The following SKAP2 variants were observed in gnomAD, a reference collection of about 807,000 sequenced individuals.
The protein encoded by SKAP2 is src kinase-associated phosphoprotein 2.
In SKAP2, 28 loss-of-function variants were observed where a neutral mutation model predicts 54.9. The ratio of observed to expected loss-of-function variants is 0.51; its 90% CI spans 0.38 to 0.70. The LOEUF (loss-of-function observed/expected upper bound fraction) is 0.70. Among genes scored for constraint, SKAP2 ranks in the 30% least tolerant of loss-of-function variants. The probability of loss-of-function intolerance (pLI) is 0.00; values close to 1 mark genes in which losing one functional copy is unlikely to be tolerated. For synonymous variants in SKAP2, 137 were observed against 134.3 expected (o/e 1.02, Z -0.14); for missense variants, 356 against 424.1 (o/e 0.84, Z 1.41).
At chr7:26,837,965 T>C (rs1266916526) in intron 4 of SKAP2, among the ~76,000 whole-genome samples, 2 of 152,238 alleles carry the variant, frequency 1.3e-5, no homozygotes, top group Non-Finnish European at 2.9e-5. Context: ...TCTGCCACTA[T>C]GTAGCTATAT....
At chr7:26,776,273 C>A (rs1783305733) in intron 4 of SKAP2, among the ~76,000 whole-genome samples, 1 of 152,142 alleles carries the variant, frequency 6.6e-6, no homozygotes, top group South Asian at 2.1e-4. Flanking sequence ...AAATTCTACA[C>A]ACCCTCCCAG....
chr7:26,662,630 A>G (rs758400613), downstream of SKAP2, among the ~76,000 whole-genome samples: 7 of 149,996 alleles, frequency 4.7e-5, no homozygotes, highest in Non-Finnish European at 8.8e-5. Context: ...TCATTTAATT[A>G]GATAGGAAGA....
intron 3 of SKAP2, among the ~76,000 whole-genome samples, chr7:26,847,301 C>G (rs971755401): frequency 7.9e-5 from 12 of 152,026 alleles, no homozygotes; most frequent in African/African-American, 2.9e-4. Context: ...AGATGGTCTT[C>G]TTCATCTTAC....
At chr7:26,850,548 T>A (rs1265882515) in intron 3 of SKAP2, among the ~76,000 whole-genome samples, 1 of 143,468 alleles carries the variant, frequency 7.0e-6, no homozygotes, top group Non-Finnish European at 1.5e-5. Context: ...ATCACACCAC[T>A]CCACTCCAGC....
In SKAP2 at chr7:26,844,048, C is replaced by T. The variant is rs1784871833; in HGVS notation, c.289G>A (p.Asp97Asn). The T allele has an allele frequency of 1.2e-6, 2 of 1,608,146 alleles. No homozygotes were observed. Among genetic ancestry groups the T allele is most frequent in the Non-Finnish European group, 1.7e-6 (2 of 1,175,382 alleles). Residue 97 changes from aspartate (D) to asparagine (N), a missense_variant, in exon 4 of 13, where the codon GAT (aspartate) becomes AAT (asparagine). By Grantham distance (23) the Asp-to-Asn change is conservative. Transcript: ENST00000345317. ...SLASERYDKD[D>N]EAPSDGAQFP... ...CACATACCATCAGAGGGGGCTTCATCGTCTTTATCATATCGTTCTGAGGCT... is the reference window on the plus strand; with the variant it reads ...CACATACCATCAGAGGGGGCTTCATTGTCTTTATCATATCGTTCTGAGGCT...
intron 5 of SKAP2, 150 bp from the exon 6 acceptor site, chr7:26,739,028 A>G: frequency 1.6e-6 from 1 of 630,814 alleles, no homozygotes; most frequent in Non-Finnish European, 2.8e-6. Flanking sequence ...ACAACAACAA[A>G]CCAACACAGC....
intron 4 of SKAP2, among the ~76,000 whole-genome samples, chr7:26,820,686 A>G (rs1784368668): frequency 6.6e-6 from 1 of 152,084 alleles, no homozygotes. Flanking sequence ...TGCCATATTT[A>G]TTAGCAAAAA....
intron 4 of SKAP2, among the ~76,000 whole-genome samples, chr7:26,793,346 T>C (rs1315631036): frequency 6.6e-6 from 1 of 152,124 alleles, no homozygotes; most frequent in Non-Finnish European, 1.5e-5. Context: ...AAATTGAAAA[T>C]CTTAACTGAA....
chr7:26,777,899 T>C (rs1272788840), intron 4 of SKAP2, among the ~76,000 whole-genome samples: 1 of 151,476 alleles, frequency 6.6e-6, no homozygotes, highest in East Asian at 1.9e-4. Context: ...ACATACTCAT[T>C]TTTTTTTAAC....
chr7:26,779,980 C>A (rs900632178), intron 4 of SKAP2, among the ~76,000 whole-genome samples: 1 of 151,982 alleles, frequency 6.6e-6, no homozygotes, highest in Non-Finnish European at 1.5e-5. Flanking sequence ...CAATTAGGGT[C>A]AACCAAAGGA....
At chr7:26,844,482 C>G (rs888223212) in intron 3 of SKAP2, among the ~76,000 whole-genome samples, 2 of 147,218 alleles carry the variant, frequency 1.4e-5, no homozygotes, top group African/African-American at 5.0e-5. Flanking sequence ...CGAACAAAAC[C>G]AAGATAACAG....
intron 4 of SKAP2, among the ~76,000 whole-genome samples, chr7:26,791,367 G>T (rs1317662076): frequency 1.3e-5 from 2 of 151,928 alleles, no homozygotes; most frequent in African/African-American, 4.8e-5. Flanking sequence ...TTAAGACAGG[G>T]TTCTCACTTT....
chr7:26,655,214 C>A, the SKAP2 span, among the ~76,000 whole-genome samples: 1 of 152,172 alleles, frequency 6.6e-6, no homozygotes, highest in African/African-American at 2.4e-5. Flanking sequence ...CCAGAGACAA[C>A]TTTAACACCT....
intron 6 of SKAP2, among the ~76,000 whole-genome samples, chr7:26,736,326 C>T (rs1733093783): frequency 6.6e-6 from 1 of 152,172 alleles, no homozygotes; most frequent in Non-Finnish European, 1.5e-5. Context: ...CCTCACTGCT[C>T]ATTATATGCT....
intron 4 of SKAP2, among the ~76,000 whole-genome samples, chr7:26,788,343 C>T (rs1471288264): frequency 1.3e-5 from 2 of 151,730 alleles, no homozygotes; most frequent in Non-Finnish European, 2.9e-5. Context: ...ACCTTTCTAT[C>T]CCTTCATCTT....
intron 4 of SKAP2, among the ~76,000 whole-genome samples, chr7:26,806,566 T>C (rs943124823): frequency 1.3e-5 from 2 of 152,166 alleles, no homozygotes; most frequent in South Asian, 2.1e-4. Context: ...GAAATTCATG[T>C]TGAAAGCCAA....
At chr7:26,838,246 T>A (rs1405222093) in intron 4 of SKAP2, among the ~76,000 whole-genome samples, 1 of 152,094 alleles carries the variant, frequency 6.6e-6, no homozygotes, top group Non-Finnish European at 1.5e-5. Context: ...ATTCCTTAAT[T>A]TGGCATTCAG....
At chr7:26,770,613 C>T (rs1783169567) in intron 4 of SKAP2, among the ~76,000 whole-genome samples, 1 of 152,182 alleles carries the variant, frequency 6.6e-6, no homozygotes, top group Non-Finnish European at 1.5e-5. Context: ...TCCTGGTCTG[C>T]AGGTTGCAAA....
Position 26,864,102 on chromosome 7 carries a change from T to C in SKAP2, c.67+261A>G, listed in dbSNP as rs1457393086. 4.3e-5 allele frequency among the ~76,000 whole-genome samples: 6 copies of C among 139,516 alleles called. No individual in the cohort carries two copies. The South Asian group carries it at 7.2e-4, about 17-fold the overall frequency. 91.5% of individuals were successfully genotyped at this position (139,516 alleles called of 152,430 possible). ...ACACACACCGTCTTCACAATGCACATAGAAACGTCCTGATCCCATTTGTGT... is the reference window on the plus strand; with the variant it reads ...ACACACACCGTCTTCACAATGCACACAGAAACGTCCTGATCCCATTTGTGT... On this transcript the variant is annotated intron_variant, in intron 1 of 12. Coordinates refer to ENST00000345317, the MANE Select transcript of SKAP2 (RefSeq NM_003930.5).
Sources: gnomAD v4.1 joint callset for allele counts (sites outside exome capture counted in the v4.1 genomes callset) on GRCh38, gnomAD v4.1.1 for gene constraint, MANE v1.5 for transcripts, NCBI Gene and HGNC (gene_info 2026-07-23, HGNC 2026-07-21) for gene names.